The following PROM1 variants were observed in gnomAD, a reference collection of about 807,000 sequenced individuals.
The protein encoded by PROM1 is prominin-1.
A neutral mutation model predicts 116.9 loss-of-function variants in PROM1; 105 were observed. The observed-to-expected ratio is 0.90, with a 90% confidence interval of 0.77 to 1.06. PROM1 has a LOEUF of 1.06. Among genes scored for constraint, PROM1 ranks in the 50% least tolerant of loss-of-function variants. The probability of loss-of-function intolerance (pLI) is 0.00; values close to 1 mark genes in which losing one functional copy is unlikely to be tolerated. For synonymous variants in PROM1, 393 were observed against 387.0 expected (o/e 1.02, Z -0.18); for missense variants, 1,122 against 1,045.2 (o/e 1.07, Z -1.01).
chr4:16,050,348 GT>G, intron 2 of PROM1, among the ~76,000 whole-genome samples: 1 of 152,170 alleles, frequency 6.6e-6, no homozygotes, highest in South Asian at 2.1e-4. Flanking sequence ...GATACAGGGT[GT>G]TTGTTTGGTT....
chr4:16,044,688 C>A (rs1453855449), intron 2 of PROM1, among the ~76,000 whole-genome samples: 1 of 152,168 alleles, frequency 6.6e-6, no homozygotes, highest in African/African-American at 2.4e-5. Flanking sequence ...CTTGCAGAAA[C>A]TAGGTTTGTA....
intron 26 of PROM1, among the ~76,000 whole-genome samples, chr4:15,974,736 G>A (rs1232546514): frequency 3.3e-5 from 5 of 152,158 alleles, no homozygotes; most frequent in African/African-American, 1.2e-4. Flanking sequence ...CTCCCAAGGT[G>A]CTGGGATTAA....
chr4:16,062,222 T>C (rs13111588), intron 2 of PROM1, among the ~76,000 whole-genome samples: 24,485 of 152,068 alleles, frequency 0.16, 2,460 homozygotes, highest in East Asian at 0.25. Flanking sequence ...ACACCAGTCA[T>C]ATTGGATTAA....
At chr4:15,996,211 A>G (rs886155240) in intron 15 of PROM1, among the ~76,000 whole-genome samples, 2 of 152,150 alleles carry the variant, frequency 1.3e-5, no homozygotes, top group African/African-American at 4.8e-5. Context: ...TTATTAGGTA[A>G]TAGAAATAAA....
At chr4:16,009,191 G>T in intron 11 of PROM1, 83 bp from the exon 12 acceptor site, 2 of 1,222,404 alleles carry the variant, frequency 1.6e-6, no homozygotes, top group South Asian at 1.4e-5. Flanking sequence ...AGAAAAGCCT[G>T]AACCACCTTT....
chr4:16,040,170 T>C (rs193105560), intron 2 of PROM1, among the ~76,000 whole-genome samples: 4 of 152,252 alleles, frequency 2.6e-5, no homozygotes, highest in East Asian at 3.9e-4. Context: ...GATTAACATA[T>C]AGGAAAACAA....
At chr4:15,985,504 T>C (rs879445107) in intron 22 of PROM1, 5 of 452,688 alleles carry the variant, frequency 1.1e-5, no homozygotes, top group African/African-American at 2.0e-5. Flanking sequence ...CCTGGCCCCT[T>C]TGTTACCTGA....
At chr4:16,001,393 G>C (rs1249135085) in intron 13 of PROM1, among the ~76,000 whole-genome samples, 1 of 152,156 alleles carries the variant, frequency 6.6e-6, no homozygotes, top group Non-Finnish European at 1.5e-5. Flanking sequence ...GTACCTTAGG[G>C]AGCCAGCAGC....
chr4:16,003,209 A>C (rs1724318442), intron 13 of PROM1: 1 of 441,934 alleles, frequency 2.3e-6, no homozygotes, highest in Non-Finnish European at 4.6e-6. Context: ...TCTTCCACGC[A>C]TGGATGTGTC....
chr4:16,076,647 G>C (rs556364055), intron 1 of PROM1: 1 of 153,582 alleles, frequency 6.5e-6, no homozygotes, highest in Non-Finnish European at 1.4e-5. Flanking sequence ...TCCCTTCAGT[G>C]CCCTCCCTAA....
intron 26 of PROM1, among the ~76,000 whole-genome samples, chr4:15,972,291 G>A (rs1338706238): frequency 6.6e-6 from 1 of 152,144 alleles, no homozygotes; most frequent in Non-Finnish European, 1.5e-5. Flanking sequence ...ATCAGAGACT[G>A]GGTAACTTAC....
At chr4:16,012,512 T>G (rs1727140157) in intron 11 of PROM1, among the ~76,000 whole-genome samples, 1 of 152,170 alleles carries the variant, frequency 6.6e-6, no homozygotes, top group Non-Finnish European at 1.5e-5. Context: ...TGCCTCAGCA[T>G]CAGTGGACAG....
At chr4:16,056,053 G>A (rs994780036) in intron 2 of PROM1, among the ~76,000 whole-genome samples, 3 of 152,156 alleles carry the variant, frequency 2.0e-5, no homozygotes, top group Non-Finnish European at 4.4e-5. Flanking sequence ...GAGAAGAGAA[G>A]AGGACGTGTG....
chr4:16,019,875 C>T (rs1308398523), intron 8 of PROM1, among the ~76,000 whole-genome samples: 1 of 108,504 alleles, frequency 9.2e-6, no homozygotes, highest in East Asian at 2.0e-4. Flanking sequence ...TAAAAATACA[C>T]ACACACACAC....
intron 1 of PROM1, among the ~76,000 whole-genome samples, chr4:16,077,139 G>T (rs1262129189): frequency 6.6e-6 from 1 of 152,148 alleles, no homozygotes; most frequent in Non-Finnish European, 1.5e-5. Context: ...TCTTGCAGTT[G>T]AGACAAGAGG....
At chr4:15,997,134 C>T (rs1357002690) in intron 15 of PROM1, among the ~76,000 whole-genome samples, 1 of 151,542 alleles carries the variant, frequency 6.6e-6, no homozygotes, top group East Asian at 2.0e-4. Flanking sequence ...CCTAAGACTA[C>T]CAACCATCAG....
At chr4:16,074,647 A>G (rs1453255010) in intron 2 of PROM1, among the ~76,000 whole-genome samples, 1 of 152,226 alleles carries the variant, frequency 6.6e-6, no homozygotes, top group Non-Finnish European at 1.5e-5. Flanking sequence ...AAAATTGACA[A>G]CTATACTTCA....
intron 22 of PROM1, among the ~76,000 whole-genome samples, chr4:15,984,559 T>C (rs1277509812): frequency 6.6e-6 from 1 of 152,188 alleles, no homozygotes; most frequent in Non-Finnish European, 1.5e-5. Context: ...CAGCAGGAAG[T>C]GAGGGGCGGG....
chr4:16,045,628 AAAAAC>A (rs1307043104), intron 2 of PROM1, among the ~76,000 whole-genome samples: 4 of 152,236 alleles, frequency 2.6e-5, no homozygotes, highest in Non-Finnish European at 5.9e-5. Context: ...AAGAATGAGA[AAAAAC>A]AAAACAAAAC....
Sources: allele counts gnomAD v4.1 joint callset (sites outside exome capture counted in the v4.1 genomes callset), GRCh38; gene constraint gnomAD v4.1.1; transcripts MANE v1.5; gene names NCBI Gene and HGNC (gene_info 2026-07-23, HGNC 2026-07-21).